The following CDH1 variants were observed in gnomAD, a reference collection of about 807,000 sequenced individuals.
CDH1 encodes the protein cadherin-1.
In CDH1, 35 loss-of-function variants were observed where a neutral mutation model predicts 84.5. That is an observed-to-expected ratio of 0.41 (90% CI 0.32 to 0.55). CDH1 has a LOEUF of 0.55. Ranked by LOEUF, CDH1 falls within the 20% of genes least tolerant of loss-of-function variation. CDH1 has a pLI of 0.19. For synonymous variants in CDH1, 417 were observed against 439.0 expected (o/e 0.95, Z 0.63); for missense variants, 994 against 1,126.6 (o/e 0.88, Z 1.68).
At chr16:68,821,875 G>T (rs1961152320) in intron 11 of CDH1, 126 bp from the exon 12 acceptor site, 9 of 760,868 alleles carry the variant, frequency 1.2e-5, no homozygotes, top group Non-Finnish European at 1.8e-5. Context: ...AGGTTCTGCG[G>T]GTGGAGTGGG....
At chr16:68,764,348 G>A (rs1379092986) in intron 2 of CDH1, among the ~76,000 whole-genome samples, 5 of 152,202 alleles carry the variant, frequency 3.3e-5, no homozygotes, top group Admixed American at 6.5e-5. Flanking sequence ...AGGCCAAGGC[G>A]GGTGGATCAC....
At chr16:68,781,607 G>A (rs1285877926) in intron 2 of CDH1, among the ~76,000 whole-genome samples, 1 of 152,034 alleles carries the variant, frequency 6.6e-6, no homozygotes, top group African/African-American at 2.4e-5. Flanking sequence ...CCAAAGTGCG[G>A]GGATAACAGG....
intron 2 of CDH1, among the ~76,000 whole-genome samples, chr16:68,760,073 T>A (rs1281719312): frequency 4.0e-5 from 3 of 75,538 alleles, no homozygotes; most frequent in African/African-American, 9.6e-5. Flanking sequence ...TGTAAAGTAT[T>A]CCATATATAT....
intron 9 of CDH1, 82 bp downstream of exon 9, chr16:68,813,577 G>A (rs1209453531): frequency 1.4e-6 from 2 of 1,407,208 alleles, no homozygotes; most frequent in East Asian, 2.3e-5. Context: ...CTTCTTAGAA[G>A]TAGATTCGCT....
intron 3 of CDH1, among the ~76,000 whole-genome samples, chr16:68,804,102 C>CTTTTTTTTT (rs10563852): frequency 1.3e-5 from 1 of 75,070 alleles, no homozygotes; most frequent in African/African-American, 4.9e-5. Flanking sequence ...ATCTGTCTGC[C>CTTTTTTTTT]TTTTTTTTTT....
At chr16:68,808,870 G>A in intron 5 of CDH1, 22 bp downstream of exon 5, 1 of 1,612,864 alleles carries the variant, frequency 6.2e-7, no homozygotes, top group Middle Eastern at 1.7e-4. Flanking sequence ...TTAGAAGCTT[G>A]TTGACACCGG....
intron 6 of CDH1, among the ~76,000 whole-genome samples, chr16:68,811,362 T>C (rs190232292): frequency 1.7e-4 from 24 of 144,014 alleles, no homozygotes; most frequent in South Asian, 6.5e-4. Flanking sequence ...CGCCATTGCA[T>C]TCCAGCCTGG....
chr16:68,826,471 A>G (rs1436189098), intron 13 of CDH1: 1 of 152,144 alleles, frequency 6.6e-6, no homozygotes, highest in African/African-American at 2.4e-5. Flanking sequence ...AAGGGCACAA[A>G]TGTGCTAGAG....
intron 2 of CDH1, among the ~76,000 whole-genome samples, chr16:68,759,157 C>T (rs1358905944): frequency 1.3e-5 from 2 of 151,964 alleles, no homozygotes; most frequent in Non-Finnish European, 2.9e-5. Flanking sequence ...CCAGGTTGGT[C>T]TCAAACTCCT....
chr16:68,824,137 A>G (rs1302931366), intron 13 of CDH1, among the ~76,000 whole-genome samples: 1 of 151,330 alleles, frequency 6.6e-6, no homozygotes, highest in Non-Finnish European at 1.5e-5. Context: ...AGCTGGGACT[A>G]TGGGCATGTG....
At chr16:68,831,366 A>C (rs964855304) in intron 15 of CDH1, among the ~76,000 whole-genome samples, 1 of 149,844 alleles carries the variant, frequency 6.7e-6, no homozygotes, top group African/African-American at 2.5e-5. Context: ...TTGGGATTAC[A>C]GGCGTGAGCC....
chr16:68,826,065 C>T (rs975687406), intron 13 of CDH1, among the ~76,000 whole-genome samples: 6 of 152,106 alleles, frequency 3.9e-5, no homozygotes, highest in Non-Finnish European at 8.8e-5. Flanking sequence ...ACCAGTCCTC[C>T]CACCTTGGCC....
At chr16:68,738,194 A>C (rs1374842889) in intron 1 of CDH1, 103 bp from the exon 2 acceptor site, 1 of 784,964 alleles carries the variant, frequency 1.3e-6, no homozygotes, top group Non-Finnish European at 2.1e-6. Flanking sequence ...GTCCTCCCCC[A>C]ATCCCGACGC....
chr16:68,802,758 A>C (rs1227669635), intron 3 of CDH1, among the ~76,000 whole-genome samples: 1 of 152,180 alleles, frequency 6.6e-6, no homozygotes, highest in Non-Finnish European at 1.5e-5. Flanking sequence ...GGAGTGAGCC[A>C]CTGCGCCTGG....
chr16:68,826,353 C>T (rs1038040611), intron 13 of CDH1, among the ~76,000 whole-genome samples: 1 of 152,050 alleles, frequency 6.6e-6, no homozygotes, highest in Non-Finnish European at 1.5e-5. Context: ...CACTATGTTA[C>T]TCACATTGGT....
chr16:68,742,096 T>C (rs183668118), intron 2 of CDH1, among the ~76,000 whole-genome samples: 61 of 152,262 alleles, frequency 4.0e-4, no homozygotes, highest in African/African-American at 1.3e-3. Flanking sequence ...CAGCTGTAAG[T>C]TGACTCAGGC....
At chr16:68,770,346 C>T (rs981024707) in intron 2 of CDH1, among the ~76,000 whole-genome samples, 1 of 152,086 alleles carries the variant, frequency 6.6e-6, no homozygotes, top group East Asian at 1.9e-4. Flanking sequence ...GTATTTGGGT[C>T]TCTTGTGTCC....
intron 5 of CDH1, among the ~76,000 whole-genome samples, chr16:68,809,397 T>G (rs138167723): frequency 9.8e-4 from 149 of 152,200 alleles, no homozygotes; most frequent in Admixed American, 2.2e-3. Context: ...AGATGAGGTT[T>G]TACCATGTTG....
At chr16:68,792,432 G>A (rs904009424) in intron 2 of CDH1, among the ~76,000 whole-genome samples, 7 of 152,174 alleles carry the variant, frequency 4.6e-5, no homozygotes, top group African/African-American at 1.7e-4. Flanking sequence ...GTTTCACCAT[G>A]TGGACCAGGC....
Sources: allele counts gnomAD v4.1 joint callset (sites outside exome capture counted in the v4.1 genomes callset), GRCh38; gene constraint gnomAD v4.1.1; transcripts MANE v1.5; gene names NCBI Gene and HGNC (gene_info 2026-07-23, HGNC 2026-07-21).